ZPBP2: variants seen among roughly 807,000 people sequenced by gnomAD.
ZPBP2 encodes the protein zona pellucida-binding protein 2.
Under a neutral mutation model 37.5 loss-of-function variants are expected in ZPBP2, and 34 were observed. The observed-to-expected ratio is 0.91, with a 90% confidence interval of 0.69 to 1.21. The LOEUF is 1.21. Among genes scored for constraint, ZPBP2 ranks in the 50% most tolerant of loss-of-function variants. The pLI is 0.00. For missense variants in ZPBP2, 397 were observed against 413.5 expected, an observed-to-expected ratio of 0.96 and a Z score of 0.35; for synonymous variants, 143 against 138.4, an observed-to-expected ratio of 1.03 and a Z score of -0.23.
chr17:39,871,435 T>C (rs1568090667), intron 3 of ZPBP2, 29 bp from the exon 4 acceptor site: 1 of 1,485,718 alleles, frequency 6.7e-7, no homozygotes, highest in Non-Finnish European at 9.1e-7. Flanking sequence ...ATGTTATATG[T>C]TAAATAAGTA....
Position 39,868,362 on chromosome 17 carries a change from G to A in ZPBP2, c.8G>A (p.Arg3Gln). Residue 3 changes from arginine to glutamine, a missense_variant, in exon 1 of 8, where the codon CGA (arginine) becomes CAA (glutamine). By Grantham distance (43) the Arg-to-Gln change is conservative. Coordinates refer to ENST00000348931, the MANE Select transcript of ZPBP2 (RefSeq NM_199321.3). MM[R>Q]TCVLLSAVLW... Reference sequence around the variant, plus strand: ...GACGCCAGCCCCTGAGCGATGATGCGAACGTGCGTCCTACTCTCCGCGGTG... The same window carrying A: ...GACGCCAGCCCCTGAGCGATGATGCAAACGTGCGTCCTACTCTCCGCGGTG... 7 of 1,609,634 alleles carry A rather than the reference G, an allele frequency of 4.3e-6. No homozygotes were observed. Among genetic ancestry groups the A allele is most frequent in the Non-Finnish European group, 5.9e-6 (7 of 1,179,958 alleles).
intron 2 of ZPBP2, among the ~76,000 whole-genome samples, chr17:39,868,897 C>T (rs1370746616): frequency 6.6e-6 from 1 of 152,168 alleles, no homozygotes; most frequent in Non-Finnish European, 1.5e-5. Flanking sequence ...TGCTGCTTTG[C>T]AACGCGGGAA....
intron 7 of ZPBP2, 65 bp downstream of exon 7, chr17:39,875,499 C>A: frequency 8.4e-7 from 1 of 1,189,254 alleles, no homozygotes; most frequent in South Asian, 2.3e-5. Context: ...ATAAGTAATT[C>A]ACTTGGCATA....
chr17:39,876,503 G>T (rs1331892319), intron 7 of ZPBP2, among the ~76,000 whole-genome samples, 179 bp from the exon 8 acceptor site: 1 of 152,110 alleles, frequency 6.6e-6, no homozygotes, highest in Non-Finnish European at 1.5e-5. Context: ...AAATTATAAA[G>T]TTTGAAACTC....
At chr17:39,871,775 A>T (rs746729515) in intron 4 of ZPBP2, 150 bp downstream of exon 4, 10 of 598,718 alleles carry the variant, frequency 1.7e-5, no homozygotes, top group Admixed American at 1.1e-4. Context: ...GACTAAGCAA[A>T]CTCTTAAGTT....
chr17:39,873,204 A>C, intron 6 of ZPBP2, 78 bp downstream of exon 6: 1 of 1,354,082 alleles, frequency 7.4e-7, no homozygotes, highest in East Asian at 2.5e-5. Context: ...GCTGGAGTGC[A>C]GTGGTGCGAC....
intron 2 of ZPBP2, among the ~76,000 whole-genome samples, chr17:39,869,501 T>C (rs2063352112): frequency 6.7e-6 from 1 of 149,496 alleles, no homozygotes; most frequent in Non-Finnish European, 1.5e-5. Context: ...GCCTCCTGGG[T>C]TCAAGAGATT....
At chr17:39,869,686 T>C (rs66565390) in intron 2 of ZPBP2, among the ~76,000 whole-genome samples, 3,883 of 148,164 alleles carry the variant, frequency 0.026, 171 homozygotes, top group African/African-American at 0.092. Flanking sequence ...ATTACAGGCA[T>C]GAGCCACAGC....
intron 2 of ZPBP2, 113 bp from the exon 3 acceptor site, chr17:39,870,581 T>C (rs2063360268): frequency 3.5e-6 from 2 of 577,898 alleles, no homozygotes; most frequent in African/African-American, 3.9e-5. Context: ...ATTTTTAAAA[T>C]AGTGAAATCC....
intron 4 of ZPBP2, 133 bp from the exon 5 acceptor site, chr17:39,872,136 TA>T: frequency 1.6e-6 from 1 of 622,634 alleles, no homozygotes; most frequent in Non-Finnish European, 2.6e-6. Context: ...GACTAACTGA[TA>T]AAACGTTATG....
chr17:39,875,228 C>T, intron 6 of ZPBP2, 26 bp from the exon 7 acceptor site: 1 of 1,596,368 alleles, frequency 6.3e-7, no homozygotes, highest in Admixed American at 1.7e-5. Flanking sequence ...GTAATTGTAC[C>T]TTTCTCTGGT....
At chr17:39,871,413 A>G in intron 3 of ZPBP2, 51 bp from the exon 4 acceptor site, 7 of 1,344,232 alleles carry the variant, frequency 5.2e-6, no homozygotes, top group Non-Finnish European at 7.1e-6. Flanking sequence ...AGTGTACTAA[A>G]TAATGCTTGA....
At chr17:39,870,281 C>T (rs1298333197) in intron 2 of ZPBP2, among the ~76,000 whole-genome samples, 1 of 151,726 alleles carries the variant, frequency 6.6e-6, no homozygotes, top group East Asian at 1.9e-4. Context: ...TGGACTCAAG[C>T]GATCCGCTCC....
At chr17:39,876,207 C>T (rs34189114) in intron 7 of ZPBP2, among the ~76,000 whole-genome samples, 54,322 of 151,960 alleles carry the variant, frequency 0.36, 11,201 homozygotes, top group Non-Finnish European at 0.45. Context: ...GCATGAGCCA[C>T]TGCGCCCAGC....
chr17:39,868,250 G>A lies in ZPBP2; in HGVS notation c.-105G>A. 7.5e-7 allele frequency: 1 copy of A among 1,331,532 alleles called. No homozygotes were observed. Among genetic ancestry groups the A allele is most frequent in the South Asian group, 1.4e-5 (1 of 72,548 alleles). The allele number at this position is 1,331,532 out of a possible 1,614,324, so 82.5% of individuals were successfully genotyped here. On this transcript the variant is annotated 5_prime_UTR_variant, in exon 1 of 8. Transcript: ENST00000348931. ...ACGGACGGGTAGGGGAGGCGACCCC[G>A]GCGTTCTGCTCCGCACTGTGGAGGA...
rs1239041467 is a variant in ZPBP2 at position 39,871,526 on chromosome 17, TTGTC to T, written c.310_313del (p.Ser104AspfsTer52). ...GATGGTGAAAGATTTTTTGGAGCCTTTGTCTGGACTTTACACATGTACTCTTTCT... is the reference window on the plus strand; with the variant it reads ...GATGGTGAAAGATTTTTTGGAGCCTTTGGACTTTACACATGTACTCTTTCT... On this transcript the variant is annotated frameshift_variant, in exon 4 of 8. Coordinates refer to ENST00000348931, the MANE Select transcript of ZPBP2 (RefSeq NM_199321.3). LOFTEE classifies it high-confidence loss of function. The T allele has an allele frequency of 2.5e-6, 4 of 1,608,360 alleles. No individual in the cohort carries two copies. The highest frequency in any genetic ancestry group is 2.2e-5 in the East Asian group (1 of 44,642).
chr17:39,870,249 C>T (rs2063358050), intron 2 of ZPBP2, among the ~76,000 whole-genome samples: 2 of 151,870 alleles, frequency 1.3e-5, no homozygotes, highest in African/African-American at 4.8e-5. Flanking sequence ...TTGCCGTTTT[C>T]TTCAGGCTGG....
chr17:39,872,225 C>G lies in ZPBP2; in HGVS notation c.407-45C>G, dbSNP rs34523816. Reference sequence around the variant, plus strand: ...AATTGTTTGGTAGAGGAAATTAATGCTAGGTACGATTGTTTTCACTCTCAT... The same window carrying G: ...AATTGTTTGGTAGAGGAAATTAATGGTAGGTACGATTGTTTTCACTCTCAT... On this transcript the variant is annotated intron_variant, in intron 4 of 7. Transcript: ENST00000348931. 5.2e-3 allele frequency: 7,497 copies of G among 1,437,432 alleles called. 335 individuals carry two copies. The African/African-American group carries it at 0.096, about 18-fold the overall frequency. 89.0% of individuals were successfully genotyped at this position (1,437,432 alleles called of 1,614,324 possible).
chr17:39,871,604 A>G lies in ZPBP2; in HGVS notation c.385A>G (p.Arg129Gly). ...TCAAGAAGAAAAAACAGTCAAAAAG[A>G]GATATGACTTTATGGTCTTTGGTAA... ...ETQEEKTVKK[R>G]YDFMVFAYRE... is the part of the protein sequence containing the mutation. Residue 129 changes from arginine (R) to glycine (G), a missense_variant, in exon 4 of 8, where the codon AGA becomes GGA. Arg to Gly is a moderately radical substitution (Grantham distance 125). Coordinates refer to ENST00000348931, the MANE Select transcript of ZPBP2 (RefSeq NM_199321.3). 1 of 1,582,156 alleles carries G rather than the reference A, an allele frequency of 6.3e-7. No individual in the cohort carries two copies. Among genetic ancestry groups the G allele is most frequent in the Non-Finnish European group, 8.6e-7 (1 of 1,167,894 alleles).
Sources: gnomAD v4.1 joint callset for allele counts (sites outside exome capture counted in the v4.1 genomes callset) on GRCh38, gnomAD v4.1.1 for gene constraint, MANE v1.5 for transcripts, NCBI Gene and HGNC (gene_info 2026-07-23, HGNC 2026-07-21) for gene names.